The following TULP3 variants were observed in gnomAD, a reference collection of about 807,000 sequenced individuals.
The protein encoded by TULP3 is tubby-related protein 3.
TULP3 carries 38 observed loss-of-function variants against 50.7 expected under a neutral mutation model. That is an observed-to-expected ratio of 0.75 (90% CI 0.58 to 0.98). TULP3 has a LOEUF of 0.98. Among genes scored for constraint, TULP3 ranks in the 50% least tolerant of loss-of-function variants. The probability of loss-of-function intolerance (pLI) is 0.00; values close to 1 mark genes in which losing one functional copy is unlikely to be tolerated. For missense variants in TULP3, 550 were observed against 568.0 expected, an observed-to-expected ratio of 0.97 and a Z score of 0.32; for synonymous variants, 183 against 196.6, an observed-to-expected ratio of 0.93 and a Z score of 0.58.
At chr12:2,914,099 T>A (rs2098187244) in intron 2 of TULP3, among the ~76,000 whole-genome samples, 1 of 151,988 alleles carries the variant, frequency 6.6e-6, no homozygotes, top group South Asian at 2.1e-4. Context: ...ATCTTCTAGC[T>A]ATTTTGAAAT....
At chr12:2,916,411 G>GCAGT (rs78924745) in intron 2 of TULP3, among the ~76,000 whole-genome samples, 74,578 of 151,794 alleles carry the variant, frequency 0.49, 19,033 homozygotes, top group African/African-American at 0.64. Flanking sequence ...ATTTTAGCAG[G>GCAGT]ATAGTAAGAC....
rs771351421 is a variant in TULP3, at chr12:2,931,051, C to G, written c.507C>G (p.Ser169=). Residue 169 remains serine (S), a synonymous_variant, in exon 6 of 11, where the codon TCC becomes TCG. Coordinates refer to ENST00000448120, the MANE Select transcript of TULP3 (RefSeq NM_003324.5). ...TGTCCTTTCAGGATACAGGCACTTC[C>G]GGTTCTGCTACTGCCGCCCAACCAG... The part of the protein sequence containing the change: ...SSQNSTDTGT[S]GSATAAQPAD... 1.2e-6 allele frequency: 2 copies of G among 1,614,048 alleles called. No individual in the cohort carries two copies. Among genetic ancestry groups the G allele is most frequent in the Non-Finnish European group, 1.7e-6 (2 of 1,180,014 alleles).
At chr12:2,903,485 C>T (rs569536769) in intron 1 of TULP3, among the ~76,000 whole-genome samples, 1 of 151,102 alleles carries the variant, frequency 6.6e-6, no homozygotes, top group Non-Finnish European at 1.5e-5. Context: ...TTGCTTGAAC[C>T]CGGGAGGCGG....
At chr12:2,936,976 G>A (rs1323098007) in intron 8 of TULP3, among the ~76,000 whole-genome samples, 3 of 151,278 alleles carry the variant, frequency 2.0e-5, no homozygotes, top group Non-Finnish European at 2.9e-5. Context: ...CAGGCGTGGT[G>A]GCATGCGCCT....
intron 2 of TULP3, among the ~76,000 whole-genome samples, chr12:2,913,013 C>T (rs1318932988): frequency 6.6e-6 from 1 of 151,422 alleles, no homozygotes; most frequent in African/African-American, 2.4e-5. Context: ...CCCTCTGTCG[C>T]CAGGCTGGAG....
chr12:2,911,776 A>G (rs182819108), intron 2 of TULP3, among the ~76,000 whole-genome samples: 2 of 146,500 alleles, frequency 1.4e-5, no homozygotes, highest in East Asian at 4.0e-4. Context: ...TTTCAAAGGA[A>G]TATTTTAAAA....
At chr12:2,908,157 A>G (rs1446921139) in intron 1 of TULP3, among the ~76,000 whole-genome samples, 3 of 152,346 alleles carry the variant, frequency 2.0e-5, no homozygotes, top group South Asian at 2.1e-4. Context: ...GTGGCACACC[A>G]TTAAGCCATA....
At chr12:2,904,061 C>T (rs1032185192) in intron 1 of TULP3, among the ~76,000 whole-genome samples, 4 of 152,096 alleles carry the variant, frequency 2.6e-5, no homozygotes, top group Non-Finnish European at 4.4e-5. Flanking sequence ...GGATTACAAG[C>T]GTGAGCCACC....
chr12:2,915,973 C>T (rs2098188411), intron 2 of TULP3, among the ~76,000 whole-genome samples: 1 of 152,158 alleles, frequency 6.6e-6, no homozygotes, highest in South Asian at 2.1e-4. Flanking sequence ...GACTCCTTGT[C>T]TAGGAAAATT....
chr12:2,914,456 G>A (rs973760282), intron 2 of TULP3, among the ~76,000 whole-genome samples: 2 of 152,068 alleles, frequency 1.3e-5, no homozygotes, highest in Non-Finnish European at 2.9e-5. Context: ...TCACCCTCTT[G>A]TGCTATTGAA....
chr12:2,899,708 A>C (rs1000745313), intron 1 of TULP3, among the ~76,000 whole-genome samples: 2 of 152,150 alleles, frequency 1.3e-5, no homozygotes, highest in African/African-American at 4.8e-5. Context: ...CCTGGCTAAC[A>C]CAGTGAAACC....
chr12:2,895,082 T>C (rs191593028), intron 1 of TULP3, among the ~76,000 whole-genome samples: 1 of 152,318 alleles, frequency 6.6e-6, no homozygotes, highest in Admixed American at 6.5e-5. Context: ...AAATCATACA[T>C]CTTAAATAGC....
chr12:2,925,823 G>A (rs558334842), intron 4 of TULP3, among the ~76,000 whole-genome samples: 1 of 152,300 alleles, frequency 6.6e-6, no homozygotes, highest in Non-Finnish European at 1.5e-5. Context: ...CTGATTCTTA[G>A]TCTGGTTCTT....
rs991905372 is a variant in TULP3, at chr12:2,931,294, A to G, written c.696+54A>G. On this transcript the variant is annotated intron_variant, in intron 6 of 10. Coordinates refer to ENST00000448120, the MANE Select transcript of TULP3 (RefSeq NM_003324.5). Reference sequence around the variant, plus strand: ...TTGAGAGAGAGAAGAATGTTGTGGGAATAGATTGTTGATGGGCCTTAGGGA... The same window carrying G: ...TTGAGAGAGAGAAGAATGTTGTGGGGATAGATTGTTGATGGGCCTTAGGGA... The G allele has an allele frequency of 3.2e-6, 5 of 1,573,652 alleles. No individual in the cohort carries two copies. In the African/African-American group the frequency reaches 6.8e-5, roughly 21 times the overall value.
In TULP3 at chr12:2,940,411, G is replaced by C. The variant is rs2098204016; in HGVS notation, c.*967G>C. The C allele has an allele frequency of 6.8e-7, 1 of 1,461,264 alleles. No individual in the cohort carries two copies. Among genetic ancestry groups the C allele is most frequent in the African/African-American group, 1.4e-5 (1 of 70,274 alleles). 90.5% of individuals were successfully genotyped at this position (1,461,264 alleles called of 1,614,324 possible). On this transcript the variant is annotated 3_prime_UTR_variant, in exon 11 of 11. Coordinates refer to ENST00000448120, the MANE Select transcript of TULP3 (RefSeq NM_003324.5). ...TGCTGGCCCGTGTGGCAGAGCTGTG[G>C]ACTTTCTTCTCGGCTCCCTCAACCC...
intron 1 of TULP3, among the ~76,000 whole-genome samples, chr12:2,892,639 G>A (rs946469381): frequency 5.3e-5 from 8 of 152,016 alleles, no homozygotes; most frequent in African/African-American, 1.9e-4. Context: ...AGCCTCCTGA[G>A]TAGCTGGGAC....
chr12:2,927,773 T>C (rs2098195540), intron 4 of TULP3, among the ~76,000 whole-genome samples: 1 of 152,190 alleles, frequency 6.6e-6, no homozygotes, highest in African/African-American at 2.4e-5. Flanking sequence ...ATGTTGAATG[T>C]GCACAAAAAG....
chr12:2,918,886 A>G (rs2153949450), intron 2 of TULP3, among the ~76,000 whole-genome samples: 1 of 150,628 alleles, frequency 6.6e-6, no homozygotes, highest in East Asian at 2.0e-4. Flanking sequence ...GGTTGCTAGA[A>G]GAATTTTTTT....
At chr12:2,910,813 T>C (rs1308205262) in intron 2 of TULP3, among the ~76,000 whole-genome samples, 1 of 152,192 alleles carries the variant, frequency 6.6e-6, no homozygotes, top group Non-Finnish European at 1.5e-5. Context: ...CACACACATA[T>C]ACATACACAC....
Sources: allele counts gnomAD v4.1 joint callset (sites outside exome capture counted in the v4.1 genomes callset), GRCh38; gene constraint gnomAD v4.1.1; transcripts MANE v1.5; gene names NCBI Gene and HGNC (gene_info 2026-07-23, HGNC 2026-07-21).